ARHGAP15: variants seen among roughly 807,000 people sequenced by gnomAD.
ARHGAP15 encodes the protein Rho GTPase activating protein 15.
Under a neutral mutation model 63.7 loss-of-function variants are expected in ARHGAP15, and 51 were observed. The observed-to-expected ratio is 0.80, with a 90% CI of 0.64 to 1.01. The LOEUF (loss-of-function observed/expected upper bound fraction) is 1.01. Among genes scored for constraint, ARHGAP15 ranks in the 50% least tolerant of loss-of-function variants. The pLI, the probability that ARHGAP15 is intolerant of heterozygous loss-of-function variation, is 0.00. For missense variants in ARHGAP15, 560 were observed against 564.6 expected, an observed-to-expected ratio of 0.99 and a Z score of 0.08; for synonymous variants, 191 against 193.8, an observed-to-expected ratio of 0.99 and a Z score of 0.12.
At chr2:143,476,783 T>C (rs1558997529) in intron 8 of ARHGAP15, among the ~76,000 whole-genome samples, 1 of 152,240 alleles carries the variant, frequency 6.6e-6, no homozygotes, top group Non-Finnish European at 1.5e-5. Flanking sequence ...CAAGAGTATT[T>C]GGATTGCTAA....
At chr2:143,589,400 G>A (rs1388759434) in intron 11 of ARHGAP15, among the ~76,000 whole-genome samples, 4 of 152,148 alleles carry the variant, frequency 2.6e-5, no homozygotes, top group Non-Finnish European at 5.9e-5. Context: ...TTGAACACAG[G>A]CATCACACTG....
intron 12 of ARHGAP15, among the ~76,000 whole-genome samples, chr2:143,689,140 G>T (rs1191646525): frequency 6.6e-6 from 1 of 151,722 alleles, no homozygotes; most frequent in Non-Finnish European, 1.5e-5. Flanking sequence ...CCATATTCTG[G>T]GAAAACTTCT....
chr2:143,383,655 G>C (rs1558935012), intron 6 of ARHGAP15, among the ~76,000 whole-genome samples: 1 of 152,106 alleles, frequency 6.6e-6, no homozygotes, highest in Non-Finnish European at 1.5e-5. Flanking sequence ...TTTTTAAAAA[G>C]TTGATTCAGG....
intron 13 of ARHGAP15, among the ~76,000 whole-genome samples, chr2:143,742,232 G>T (rs1685989447): frequency 6.6e-6 from 1 of 152,198 alleles, no homozygotes; most frequent in African/African-American, 2.4e-5. Flanking sequence ...TTCTAGTCAT[G>T]CACAGAGCTA....
intron 8 of ARHGAP15, among the ~76,000 whole-genome samples, chr2:143,445,693 C>CT (rs1690103356): frequency 6.6e-6 from 1 of 152,034 alleles, no homozygotes; most frequent in Non-Finnish European, 1.5e-5. Context: ...AGTTAACATC[C>CT]TTTAGGACTC....
At chr2:143,351,700 T>A (rs1009568659) in intron 6 of ARHGAP15, among the ~76,000 whole-genome samples, 1 of 152,224 alleles carries the variant, frequency 6.6e-6, no homozygotes, top group Non-Finnish European at 1.5e-5. Context: ...GGAGGATTAA[T>A]GTCAGAAGAT....
At chr2:143,171,795 G>A (rs1690791360) in intron 2 of ARHGAP15, among the ~76,000 whole-genome samples, 1 of 152,082 alleles carries the variant, frequency 6.6e-6, no homozygotes, top group African/African-American at 2.4e-5. Flanking sequence ...TTGGCTCTAT[G>A]TAGCAGAAAA....
chr2:143,455,777 A>G (rs976913466), intron 8 of ARHGAP15, among the ~76,000 whole-genome samples: 1 of 152,114 alleles, frequency 6.6e-6, no homozygotes, highest in African/African-American at 2.4e-5. Context: ...TCTATGGAGT[A>G]TTAAGTAGCG....
rs1440386564 is a variant in ARHGAP15 at position 143,686,390 on chromosome 2, A to C, written c.1139-17029A>C. On this transcript the variant is annotated intron_variant, in intron 12 of 13. Coordinates refer to ENST00000295095, the MANE Select transcript of ARHGAP15 (RefSeq NM_018460.4). ...CAGAGCGAGACTCTGTCTCAAAAAA[A>C]AAAAAAAAAAAAAAAAAAAAAAAAA... Among the ~76,000 whole-genome samples the C allele has an allele frequency of 1.0e-4, 7 of 67,920 alleles. No individual in the cohort carries two copies. In the Admixed American group the frequency reaches 1.0e-3, roughly 10 times the overall value. 44.6% of individuals were successfully genotyped at this position (67,920 alleles called of 152,430 possible).
intron 8 of ARHGAP15, among the ~76,000 whole-genome samples, chr2:143,485,146 A>G (rs115390394): frequency 0.098 from 14,972 of 152,218 alleles, 954 homozygotes; most frequent in South Asian, 0.17. Flanking sequence ...ACATAGGTAT[A>G]CATGTGCCAT....
At chr2:143,383,832 A>G (rs867071806) in intron 6 of ARHGAP15, among the ~76,000 whole-genome samples, 2 of 152,204 alleles carry the variant, frequency 1.3e-5, no homozygotes, top group Non-Finnish European at 2.9e-5. Flanking sequence ...GTGAAATACT[A>G]AACAAGTCAC....
chr2:143,278,152 A>T (rs1681657073), intron 6 of ARHGAP15, among the ~76,000 whole-genome samples: 1 of 152,174 alleles, frequency 6.6e-6, no homozygotes, highest in South Asian at 2.1e-4. Context: ...TTGACAACAC[A>T]GTTGTTCCTT....
intron 9 of ARHGAP15, among the ~76,000 whole-genome samples, chr2:143,517,820 A>C (rs143916420): frequency 6.6e-6 from 1 of 152,338 alleles, no homozygotes; most frequent in East Asian, 1.9e-4. Flanking sequence ...ATGGAGTTCC[A>C]TGAAGAAGAA....
At chr2:143,370,043 G>A (rs2890714) in intron 6 of ARHGAP15, among the ~76,000 whole-genome samples, 125,340 of 152,012 alleles carry the variant, frequency 0.82, 52,016 homozygotes, top group East Asian at 0.99. Context: ...GTAAGAAGTA[G>A]ATAAGGAGTA....
intron 2 of ARHGAP15, among the ~76,000 whole-genome samples, chr2:143,183,785 CA>C (rs1291302233): frequency 1.3e-5 from 2 of 150,028 alleles, no homozygotes; most frequent in African/African-American, 4.9e-5. Flanking sequence ...TTACTGGAAG[CA>C]AAATTGACCA....
chr2:143,384,321 T>A (rs1687177751), intron 6 of ARHGAP15, among the ~76,000 whole-genome samples: 1 of 152,136 alleles, frequency 6.6e-6, no homozygotes, highest in Non-Finnish European at 1.5e-5. Context: ...ACAAGAACTT[T>A]AAAAGGAGAA....
intron 3 of ARHGAP15, among the ~76,000 whole-genome samples, chr2:143,215,186 G>C (rs72851526): frequency 0.33 from 50,511 of 152,052 alleles, 8,563 homozygotes; most frequent in East Asian, 0.46. Flanking sequence ...ACTGAAAATG[G>C]AGATTCAGGA....
intron 11 of ARHGAP15, among the ~76,000 whole-genome samples, chr2:143,614,796 A>C (rs1321037911): frequency 6.6e-6 from 1 of 152,222 alleles, no homozygotes; most frequent in Non-Finnish European, 1.5e-5. Context: ...TAGGATTAGA[A>C]ACATGGTAAG....
rs543777428 is a variant in ARHGAP15 at position 143,477,656 on chromosome 2, A to G, written c.704-9717A>G. Among the ~76,000 whole-genome samples the G allele has an allele frequency of 3.9e-5, 6 of 152,286 alleles. No homozygotes were observed. The South Asian group carries it at 1.0e-3, about 26-fold the overall frequency. On this transcript the variant is annotated intron_variant, in intron 8 of 13. Transcript: ENST00000295095. ...GTGACAGAGTTGGAATTCAAAATCC[A>G]AAGCCTATATTATTCAAAAAAGAAA...
Sources: allele counts gnomAD v4.1 joint callset (sites outside exome capture counted in the v4.1 genomes callset), GRCh38; gene constraint gnomAD v4.1.1; transcripts MANE v1.5; gene names NCBI Gene and HGNC (gene_info 2026-07-23, HGNC 2026-07-21).